The following NLGN1 variants were observed in gnomAD, a reference collection of about 807,000 sequenced individuals.
NLGN1 encodes neuroligin 1, also known as neuroligin-1.
NLGN1 carries 12 observed loss-of-function variants against 65.5 expected under a neutral mutation model. The ratio of observed to expected loss-of-function variants is 0.18; its 90% CI spans 0.12 to 0.30. NLGN1 has a LOEUF of 0.30. NLGN1 is among the 10% of genes least tolerant of loss of function. The probability of loss-of-function intolerance (pLI) is 1.00; values close to 1 mark genes in which losing one functional copy is unlikely to be tolerated. For missense variants in NLGN1, 750 were observed against 1,007.1 expected (o/e 0.74, Z 3.46); for synonymous variants, 350 against 359.5 (o/e 0.97, Z 0.30).
intron 4 of NLGN1, among the ~76,000 whole-genome samples, chr3:174,138,483 G>A (rs902375485): frequency 2.8e-5 from 4 of 145,030 alleles, no homozygotes; most frequent in Non-Finnish European, 5.9e-5. Flanking sequence ...CGCCGAGGCT[G>A]GAGTGTAGTG....
intron 3 of NLGN1, among the ~76,000 whole-genome samples, chr3:173,724,052 A>G (rs1225098666): frequency 1.3e-5 from 2 of 152,198 alleles, no homozygotes; most frequent in Non-Finnish European, 2.9e-5. Flanking sequence ...GTAGGGATCC[A>G]TGGGGGTCAG....
At chr3:173,499,555 T>G (rs901318308) in intron 2 of NLGN1, among the ~76,000 whole-genome samples, 1 of 151,852 alleles carries the variant, frequency 6.6e-6, no homozygotes, top group Non-Finnish European at 1.5e-5. Context: ...TTTGGTTCCA[T>G]ATGAAGTTTA....
intron 4 of NLGN1, among the ~76,000 whole-genome samples, chr3:174,115,282 A>G (rs1444995418): frequency 6.6e-6 from 1 of 152,178 alleles, no homozygotes; most frequent in Non-Finnish European, 1.5e-5. Context: ...CAATGAGATT[A>G]AATGAGAGAA....
At chr3:173,648,836 A>G (rs866211659) in intron 3 of NLGN1, among the ~76,000 whole-genome samples, 3 of 152,134 alleles carry the variant, frequency 2.0e-5, no homozygotes, top group Non-Finnish European at 4.4e-5. Context: ...TGGCATCCCA[A>G]AGTGCTGGGA....
chr3:174,015,091 T>A (rs116513806), intron 4 of NLGN1, among the ~76,000 whole-genome samples: 1 of 152,178 alleles, frequency 6.6e-6, no homozygotes, highest in Admixed American at 6.5e-5. Context: ...CGGTTTTATC[T>A]TTATAATTAC....
At chr3:174,019,533 A>G (rs757010396) in intron 4 of NLGN1, among the ~76,000 whole-genome samples, 3 of 152,190 alleles carry the variant, frequency 2.0e-5, no homozygotes, top group Non-Finnish European at 4.4e-5. Flanking sequence ...CTGTTATAGC[A>G]ACAGAAAACA....
chr3:173,734,962 CACA>C (rs1773510260), intron 3 of NLGN1, among the ~76,000 whole-genome samples: 1 of 152,038 alleles, frequency 6.6e-6, no homozygotes, highest in Non-Finnish European at 1.5e-5. Context: ...ACTAATGTGG[CACA>C]ACATTCTTCT....
intron 4 of NLGN1, among the ~76,000 whole-genome samples, chr3:174,056,512 G>A (rs1029474264): frequency 2.6e-5 from 4 of 151,936 alleles, no homozygotes; most frequent in Admixed American, 1.3e-4. Flanking sequence ...CTTAAAAAAC[G>A]AGTAAGCTTT....
At chr3:174,274,482 C>T (rs141502253) in intron 4 of NLGN1, among the ~76,000 whole-genome samples, 12 of 151,658 alleles carry the variant, frequency 7.9e-5, no homozygotes, top group African/African-American at 2.9e-4. Flanking sequence ...GCCATTCTGT[C>T]AGTTCAGATC....
chr3:173,673,768 C>T (rs1009185276), intron 3 of NLGN1, among the ~76,000 whole-genome samples: 1 of 151,866 alleles, frequency 6.6e-6, no homozygotes, highest in Non-Finnish European at 1.5e-5. Flanking sequence ...AGAAAGGTGT[C>T]CAGGTTCTTG....
At chr3:173,719,099 C>T (rs1239072585) in intron 3 of NLGN1, among the ~76,000 whole-genome samples, 1 of 152,114 alleles carries the variant, frequency 6.6e-6, no homozygotes, top group Admixed American at 6.6e-5. Flanking sequence ...TTCCTCAAAG[C>T]AAAGCACTAT....
Position 174,279,425 on chromosome 3 carries a change from TTCAC to T in NLGN1, c.1428_1431del (p.His476GlnfsTer41). The T allele has an allele frequency of 1.2e-6, 2 of 1,613,332 alleles. No individual in the cohort carries two copies. Among genetic ancestry groups the T allele is most frequent in the Non-Finnish European group, 1.7e-6 (2 of 1,179,566 alleles). ...GCACCAGCTGTAGCCACAGCGGATC[TTCAC>T]TCAAACTTTGGTTCACCTACGTACT... is the stretch of plus-strand genomic sequence containing the variant. On this transcript the variant is annotated frameshift_variant, in exon 6 of 7. Coordinates refer to ENST00000457714, the Ensembl canonical transcript of NLGN1. LOFTEE classifies it high-confidence loss of function. This position sits in a 1 kb window ranked among gnomAD's most constrained non-coding sequence, Gnocchi z 4.7.
chr3:173,958,746 G>C (rs375902035), intron 4 of NLGN1, among the ~76,000 whole-genome samples: 1 of 152,176 alleles, frequency 6.6e-6, no homozygotes, highest in Non-Finnish European at 1.5e-5. Context: ...CCTGGTGCCT[G>C]TTTGCCTCCT....
intron 4 of NLGN1, among the ~76,000 whole-genome samples, chr3:174,230,534 C>A (rs1357441525): frequency 6.6e-6 from 1 of 152,004 alleles, no homozygotes; most frequent in African/African-American, 2.4e-5. Context: ...TCATTATCAA[C>A]AATTAAAAAA....
At chr3:173,419,741 T>A (rs1242295608) in intron 1 of NLGN1, among the ~76,000 whole-genome samples, 1 of 151,926 alleles carries the variant, frequency 6.6e-6, no homozygotes, top group Non-Finnish European at 1.5e-5. Flanking sequence ...GAGGCCAAGG[T>A]GGGTGGATCA....
intron 4 of NLGN1, among the ~76,000 whole-genome samples, chr3:174,168,821 G>A (rs1002382165): frequency 4.6e-5 from 7 of 152,176 alleles, no homozygotes; most frequent in African/African-American, 1.2e-4. Context: ...AAAGAAGCCA[G>A]TGGGTGGCCT....
At chr3:173,957,270 C>A (rs1051625599) in intron 4 of NLGN1, among the ~76,000 whole-genome samples, 10 of 152,036 alleles carry the variant, frequency 6.6e-5, no homozygotes, top group Non-Finnish European at 2.9e-5. Flanking sequence ...TATATTAGGG[C>A]AAAAGGGCAA....
intron 4 of NLGN1, among the ~76,000 whole-genome samples, chr3:174,069,183 T>G (rs1462980511): frequency 6.6e-6 from 1 of 152,276 alleles, no homozygotes; most frequent in Non-Finnish European, 1.5e-5. Context: ...TAGACATGAC[T>G]TTTCATAAAT....
chr3:174,132,023 A>C (rs1720307048), intron 4 of NLGN1, among the ~76,000 whole-genome samples: 1 of 152,200 alleles, frequency 6.6e-6, no homozygotes, highest in Non-Finnish European at 1.5e-5. Flanking sequence ...TATAACAGAA[A>C]AGGAATTTCC....
Sources: gnomAD v4.1 joint callset for allele counts (sites outside exome capture counted in the v4.1 genomes callset) on GRCh38, gnomAD v4.1.1 for gene constraint, Gnocchi (gnomAD v3.1) non-coding constraint, MANE v1.5 for transcripts, NCBI Gene and HGNC (gene_info 2026-07-23, HGNC 2026-07-21) for gene names.